E2F3: variants seen among roughly 807,000 people sequenced by gnomAD.
E2F3 encodes E2F transcription factor 3, also known as transcription factor E2F3.
In E2F3, 11 loss-of-function variants were observed where a neutral mutation model predicts 44.4. The ratio of observed to expected loss-of-function variants is 0.25; its 90% CI spans 0.16 to 0.41. The LOEUF (loss-of-function observed/expected upper bound fraction) is 0.41. Ranked by LOEUF, E2F3 falls within the 10% of genes least tolerant of loss-of-function variation. The probability of loss-of-function intolerance (pLI) is 1.00; values close to 1 mark genes in which losing one functional copy is unlikely to be tolerated. For synonymous variants in E2F3, 249 were observed against 253.0 expected, an observed-to-expected ratio of 0.98 and a Z score of 0.15; for missense variants, 487 against 583.6, an observed-to-expected ratio of 0.83 and a Z score of 1.70.
At chr6:20,405,308 A>C (rs6456350) in intron 1 of E2F3, among the ~76,000 whole-genome samples, 2 of 150,162 alleles carry the variant, frequency 1.3e-5, no homozygotes, top group Non-Finnish European at 2.9e-5. Context: ...CATTTTTTAT[A>C]TGATTGCAAT....
At chr6:20,482,344 T>TG (rs997062296) in intron 3 of E2F3, among the ~76,000 whole-genome samples, 1 of 96,928 alleles carries the variant, frequency 1.0e-5, no homozygotes, top group Non-Finnish European at 2.4e-5. Context: ...GTTTTTTTGT[T>TG]TTTTTTTTTT....
intron 1 of E2F3, among the ~76,000 whole-genome samples, chr6:20,406,542 C>T (rs577136283): frequency 2.6e-5 from 4 of 152,100 alleles, no homozygotes; most frequent in African/African-American, 9.6e-5. Context: ...TTATTTATGC[C>T]CAATTAATTT....
chr6:20,434,332 A>G (rs568414992), intron 1 of E2F3, among the ~76,000 whole-genome samples: 2 of 152,344 alleles, frequency 1.3e-5, no homozygotes, highest in South Asian at 2.1e-4. Flanking sequence ...GAAGCAAGAA[A>G]ACTTTAGACT....
intron 1 of E2F3, among the ~76,000 whole-genome samples, chr6:20,471,673 A>G (rs1761894837): frequency 6.6e-6 from 1 of 152,238 alleles, no homozygotes; most frequent in Non-Finnish European, 1.5e-5. Context: ...AACCCTAGAA[A>G]CAACCTAAAT....
At chr6:20,486,824 T>C (rs866025066) in intron 5 of E2F3, 21 bp downstream of exon 5, 1 of 1,479,454 alleles carries the variant, frequency 6.8e-7, no homozygotes, top group South Asian at 1.2e-5. Context: ...AGCGTCTTTG[T>C]TCATCTGCAA....
intron 1 of E2F3, chr6:20,421,724 C>T (rs900741827): frequency 1.8e-4 from 27 of 152,446 alleles, no homozygotes; most frequent in African/African-American, 6.0e-4. Context: ...CTTAGGCAAC[C>T]TGGTGGTCCC....
chr6:20,465,489 T>C (rs1044164841), intron 1 of E2F3, among the ~76,000 whole-genome samples: 2 of 152,228 alleles, frequency 1.3e-5, no homozygotes, highest in Non-Finnish European at 2.9e-5. Flanking sequence ...CCATAGGTTA[T>C]TGGGGAACAG....
In E2F3 at chr6:20,472,464, G is replaced by C. The variant is rs1761924763; in HGVS notation, c.394-7382G>C. Among the ~76,000 whole-genome samples the C allele has an allele frequency of 2.6e-5, 4 of 152,058 alleles. No individual in the cohort carries two copies. The South Asian group carries it at 6.2e-4, about 24-fold the overall frequency. ...CACTTTGGGAGGCTGAGGTAGGAGG[G>C]TCATTTGAGCATAGGAGTTCAAGAT... On this transcript the variant is annotated intron_variant, in intron 1 of 6. Coordinates refer to ENST00000346618, the MANE Select transcript of E2F3 (RefSeq NM_001949.5).
At position 20,486,717 on chromosome 6, in the gene E2F3, C is replaced by G; in HGVS notation, c.913C>G (p.Arg305Gly). The change falls in exon 5 of 7, where the codon CGA (arginine) becomes GGA (glycine). Residue 305 changes from arginine (R) to glycine (G), a missense_variant. Arg to Gly is a moderately radical substitution (Grantham distance 125). Transcript: ENST00000346618. ...RLAYVTYQDIRKISGLKDQTV... is the reference protein window; with the variant it reads ...RLAYVTYQDIGKISGLKDQTV... ...AGCTTATGTTACATATCAAGATATTCGAAAAATTAGTGGCCTTAAAGACCA... is the reference window on the plus strand; with the variant it reads ...AGCTTATGTTACATATCAAGATATTGGAAAAATTAGTGGCCTTAAAGACCA... 1.2e-6 allele frequency: 2 copies of G among 1,610,720 alleles called. No individual in the cohort carries two copies. Among genetic ancestry groups the G allele is most frequent in the Non-Finnish European group, 1.7e-6 (2 of 1,178,376 alleles).
intron 1 of E2F3, among the ~76,000 whole-genome samples, chr6:20,445,543 G>A (rs956063793): frequency 6.6e-6 from 1 of 152,064 alleles, no homozygotes; most frequent in Non-Finnish European, 1.5e-5. Flanking sequence ...ACGTATCTTA[G>A]CATTGATACC....
chr6:20,413,811 G>A (rs1301160864), intron 1 of E2F3, among the ~76,000 whole-genome samples: 1 of 152,198 alleles, frequency 6.6e-6, no homozygotes, highest in Non-Finnish European at 1.5e-5. Flanking sequence ...CTATTGAGTT[G>A]ATGAGTCTGG....
intron 1 of E2F3, among the ~76,000 whole-genome samples, chr6:20,425,655 C>G (rs935181455): frequency 3.3e-5 from 5 of 152,226 alleles, no homozygotes; most frequent in African/African-American, 1.2e-4. Context: ...GCCTCGGCCT[C>G]CCAAAGTGCT....
At chr6:20,416,561 A>G (rs1759852722) in intron 1 of E2F3, among the ~76,000 whole-genome samples, 1 of 152,148 alleles carries the variant, frequency 6.6e-6, no homozygotes, top group Non-Finnish European at 1.5e-5. Context: ...TTACTTGGGA[A>G]CTTGTTAGAA....
rs1203989093 is a variant in E2F3, at chr6:20,402,820, G to A, written c.393+195G>A. 2.0e-5 allele frequency among the ~76,000 whole-genome samples: 3 copies of A among 152,060 alleles called. No homozygotes were observed. The highest frequency in any genetic ancestry group is 7.2e-5 in the African/African-American group (3 of 41,398). ...CGGCGCCAGGAGGGTCGGGGGGCTC[G>A]GCCAGGCGCGCGGGGCGGCGGGGAT... On this transcript the variant is annotated intron_variant, in intron 1 of 6. Coordinates refer to ENST00000346618, the MANE Select transcript of E2F3 (RefSeq NM_001949.5). This position sits in a 1 kb window ranked among gnomAD's most constrained non-coding sequence, Gnocchi z 5.6.
chr6:20,445,268 C>T (rs1194440139), intron 1 of E2F3, among the ~76,000 whole-genome samples: 1 of 150,212 alleles, frequency 6.7e-6, no homozygotes, highest in Non-Finnish European at 1.5e-5. Flanking sequence ...TTGAGACAGT[C>T]TCACTCTGTC....
At chr6:20,481,630 G>A (rs573206876) in intron 3 of E2F3, among the ~76,000 whole-genome samples, 1 of 152,246 alleles carries the variant, frequency 6.6e-6, no homozygotes, top group Non-Finnish European at 1.5e-5. Context: ...TTTAGATACT[G>A]TCAGAGATAA....
chr6:20,418,066 G>C (rs1759905229), intron 1 of E2F3, among the ~76,000 whole-genome samples: 1 of 152,132 alleles, frequency 6.6e-6, no homozygotes, highest in African/African-American at 2.4e-5. Flanking sequence ...CTAATCCCTT[G>C]ACTTTTCACT....
chr6:20,433,278 C>T (rs1191386033), intron 1 of E2F3, among the ~76,000 whole-genome samples: 5 of 152,150 alleles, frequency 3.3e-5, no homozygotes, highest in East Asian at 3.8e-4. Flanking sequence ...TTGCCAAGTG[C>T]CTGTCTGTGT....
rs199664931 is a variant in E2F3 at position 20,402,380 on chromosome 6, G to A, written c.148G>A (p.Ala50Thr). The A allele has an allele frequency of 2.4e-4, 389 of 1,607,870 alleles. No individual in the cohort carries two copies. The highest frequency in any genetic ancestry group is 6.3e-5 in the Non-Finnish European group (74 of 1,178,070). The change falls in exon 1 of 7, where the codon GCT becomes ACT. Residue 50 changes from alanine (A) to threonine (T), a missense_variant. Coordinates refer to ENST00000346618, the MANE Select transcript of E2F3 (RefSeq NM_001949.5). The surrounding 1 kb of genome is among the most constrained non-coding windows in gnomAD (Gnocchi z 5.6). ...CCCCGGCTTCGCCGCCGCCGCCGCC[G>A]CTGCCGCCGCCCCGGGCGCGTACAT... ...ASPGFAAAAA[A>T]AAAPGAYIQI...
Sources: gnomAD v4.1 joint callset for allele counts (sites outside exome capture counted in the v4.1 genomes callset) on GRCh38, gnomAD v4.1.1 for gene constraint, Gnocchi (gnomAD v3.1) non-coding constraint, MANE v1.5 for transcripts, NCBI Gene and HGNC (gene_info 2026-07-23, HGNC 2026-07-21) for gene names.